HVCN1: variants seen among roughly 807,000 people sequenced by gnomAD.
HVCN1 encodes voltage-gated hydrogen channel 1.
HVCN1 carries 14 observed loss-of-function variants against 29.2 expected under a neutral mutation model. The observed-to-expected ratio is 0.48, with a 90% CI of 0.32 to 0.75. The LOEUF (loss-of-function observed/expected upper bound fraction) is 0.75, where lower values mean the gene tolerates loss of function less well. Ranked by LOEUF, HVCN1 falls within the 30% of genes least tolerant of loss-of-function variation. HVCN1 has a pLI of 0.04. For missense variants in HVCN1, 263 were observed against 341.8 expected, an observed-to-expected ratio of 0.77 and a Z score of 1.82; for synonymous variants, 131 against 133.2, an observed-to-expected ratio of 0.98 and a Z score of 0.11.
intron 3 of HVCN1, among the ~76,000 whole-genome samples, chr12:110,678,216 C>A (rs1367048141): frequency 6.6e-6 from 1 of 152,140 alleles, no homozygotes; most frequent in African/African-American, 2.4e-5. Context: ...AAGCCCAGCT[C>A]CCCCTCCTCC....
chr12:110,654,471 CTTTTTTT>C (rs1199046571), intron 5 of HVCN1, among the ~76,000 whole-genome samples: 4 of 112,550 alleles, frequency 3.6e-5, no homozygotes, highest in Admixed American at 1.0e-4. Flanking sequence ...GGGGGAAATG[CTTTTTTT>C]TTTTTTTTTT....
upstream of HVCN1, among the ~76,000 whole-genome samples, chr12:110,690,836 C>A (rs369736669): frequency 6.6e-6 from 1 of 151,880 alleles, no homozygotes; most frequent in Admixed American, 6.6e-5. Context: ...CTCAGTGCAA[C>A]CTCTGCCTCC....
intron 3 of HVCN1, among the ~76,000 whole-genome samples, chr12:110,678,549 C>T (rs1458797949): frequency 1.4e-5 from 2 of 140,098 alleles, no homozygotes; most frequent in Non-Finnish European, 3.0e-5. Context: ...GTCCTGGGCT[C>T]AAGAGATCCT....
At chr12:110,684,287 C>T (rs1354070268) in intron 2 of HVCN1, among the ~76,000 whole-genome samples, 1 of 92,744 alleles carries the variant, frequency 1.1e-5, no homozygotes, top group Non-Finnish European at 2.3e-5. Flanking sequence ...GAAGGCCGCA[C>T]ACTGTGAAAT....
chr12:110,693,159 G>A (rs1483732332), upstream of HVCN1, among the ~76,000 whole-genome samples: 1 of 151,034 alleles, frequency 6.6e-6, no homozygotes, highest in Non-Finnish European at 1.5e-5. Flanking sequence ...TTTTTAAATT[G>A]GGATAATAGA....
intron 5 of HVCN1, 64 bp downstream of exon 5, chr12:110,655,170 C>T (rs781519771): frequency 4.7e-5 from 58 of 1,240,182 alleles, no homozygotes; most frequent in African/African-American, 1.3e-4. Flanking sequence ...CTCTGCACCC[C>T]GTCTGTGCAG....
chr12:110,656,860 G>C (rs1262580353), intron 4 of HVCN1, among the ~76,000 whole-genome samples: 1 of 152,112 alleles, frequency 6.6e-6, no homozygotes, highest in African/African-American at 2.4e-5. Context: ...GCTTAATAAA[G>C]GTGCAAGCCT....
At chr12:110,653,337 G>T (rs1340664160) in intron 5 of HVCN1, among the ~76,000 whole-genome samples, 1 of 151,990 alleles carries the variant, frequency 6.6e-6, no homozygotes, top group Non-Finnish European at 1.5e-5. Context: ...GTGCATGTCT[G>T]TGGTTCTAGC....
At chr12:110,655,206 A>G in intron 5 of HVCN1, 28 bp downstream of exon 5, 1 of 1,544,972 alleles carries the variant, frequency 6.5e-7, no homozygotes, top group Non-Finnish European at 9.0e-7. Context: ...CATATCAGTA[A>G]GACCCCAGAA....
intron 2 of HVCN1, among the ~76,000 whole-genome samples, chr12:110,687,524 A>G (rs2136471628): frequency 6.6e-6 from 1 of 152,220 alleles, no homozygotes; most frequent in African/African-American, 2.4e-5. Context: ...CCAGAGAGAA[A>G]AATTGAGAAT....
At position 110,676,604 on chromosome 12, in the gene HVCN1, T is replaced by C. The variant is rs940919155; in HGVS notation, c.21+6621A>G. 6.6e-6 allele frequency among the ~76,000 whole-genome samples: 1 copy of C among 152,172 alleles called. No individual in the cohort carries two copies. The highest frequency in any genetic ancestry group is 1.5e-5 in the Non-Finnish European group (1 of 68,030). On this transcript the variant is annotated intron_variant, in intron 3 of 7. Coordinates refer to ENST00000242607, the MANE Select transcript of HVCN1 (RefSeq NM_032369.4). This position sits in a 1 kb window ranked among gnomAD's most constrained non-coding sequence, Gnocchi z 4.1. ...CTGTGCCCAGCTCCAATGAAAACTC[T>C]GGGCATTGGGTCTCTAAGGAACTGC...
chr12:110,684,223 A>G (rs1240589918), intron 2 of HVCN1, among the ~76,000 whole-genome samples: 1 of 152,162 alleles, frequency 6.6e-6, no homozygotes, highest in African/African-American at 2.4e-5. Flanking sequence ...AAGCAAAATG[A>G]TATATTATTA....
rs1278588494 is a variant in HVCN1, at chr12:110,680,652, C to T, written c.21+2573G>A. 3.9e-5 allele frequency among the ~76,000 whole-genome samples: 6 copies of T among 152,180 alleles called. No homozygotes were observed. The South Asian group carries it at 6.2e-4, about 16-fold the overall frequency. ...AGACAGTGGGCCAGGTGCGGTGGCT[C>T]ATGCCTGTAATTCTAGCACTTTGGG... is the stretch of plus-strand genomic sequence containing the variant. On this transcript the variant is annotated intron_variant, in intron 3 of 7. Coordinates refer to ENST00000242607, the MANE Select transcript of HVCN1 (RefSeq NM_032369.4).
chr12:110,668,688 G>A (rs1171693898), intron 3 of HVCN1, among the ~76,000 whole-genome samples: 1 of 152,154 alleles, frequency 6.6e-6, no homozygotes, highest in Non-Finnish European at 1.5e-5. Context: ...AACCCCAAAA[G>A]TCTACAGGTG....
chr12:110,650,727 C>G, intron 6 of HVCN1, among the ~76,000 whole-genome samples: 1 of 143,466 alleles, frequency 7.0e-6, no homozygotes, highest in East Asian at 2.0e-4. Context: ...TGGGGTCTGG[C>G]TCTGTCACCC....
intron 5 of HVCN1, among the ~76,000 whole-genome samples, chr12:110,652,720 C>T (rs2067853983): frequency 6.6e-6 from 1 of 152,174 alleles, no homozygotes; most frequent in Non-Finnish European, 1.5e-5. Context: ...AGAGTACCTA[C>T]TACTAAATGT....
chr12:110,656,875 T>C (rs1185137889), intron 4 of HVCN1, among the ~76,000 whole-genome samples: 1 of 152,160 alleles, frequency 6.6e-6, no homozygotes, highest in East Asian at 1.9e-4. Flanking sequence ...AAGCCTCTAG[T>C]AGGGTTTTTG....
chr12:110,657,409 C>T (rs1015091532), intron 4 of HVCN1, among the ~76,000 whole-genome samples: 2 of 151,512 alleles, frequency 1.3e-5, no homozygotes, highest in Non-Finnish European at 1.5e-5. Context: ...GTAGGAGAAT[C>T]GCTTCAACCT....
rs112719731 is a variant in HVCN1, at chr12:110,651,501, A to G, written c.412-53T>C. On this transcript the variant is annotated intron_variant, in intron 5 of 7. Coordinates refer to ENST00000242607, the MANE Select transcript of HVCN1 (RefSeq NM_032369.4). Reference sequence around the variant, plus strand: ...GGGAGATTGGGCCTCTGGGAGGTCAAGCTGCCCTCACATGCACCTGCCTGG... The same window carrying G: ...GGGAGATTGGGCCTCTGGGAGGTCAGGCTGCCCTCACATGCACCTGCCTGG... 4.4e-4 allele frequency: 542 copies of G among 1,218,922 alleles called. 4 individuals are homozygous for G. In the Middle Eastern group the frequency reaches 5.7e-3, roughly 13 times the overall value. 75.5% of individuals were successfully genotyped at this position (1,218,922 alleles called of 1,614,324 possible).
Sources: allele counts gnomAD v4.1 joint callset (sites outside exome capture counted in the v4.1 genomes callset), GRCh38; gene constraint gnomAD v4.1.1; non-coding constraint Gnocchi (gnomAD v3.1); transcripts MANE v1.5; gene names NCBI Gene and HGNC (gene_info 2026-07-23, HGNC 2026-07-21).